Variants in KIAA1549L observed in about 807,000 individuals in gnomAD.
KIAA1549L encodes KIAA1549 like.
A neutral mutation model predicts 160.7 loss-of-function variants in KIAA1549L; 88 were observed. The observed-to-expected ratio is 0.55, with a 90% CI of 0.46 to 0.65. The LOEUF is 0.65. Ranked by LOEUF, KIAA1549L falls within the 30% of genes least tolerant of loss-of-function variation. KIAA1549L has a pLI of 0.00. For synonymous variants in KIAA1549L, 950 were observed against 976.7 expected (o/e 0.97, Z 0.51); for missense variants, 2,258 against 2,437.5 (o/e 0.93, Z 1.55).
At chr11:33,445,602 A>G (rs904550088) in intron 1 of KIAA1549L, among the ~76,000 whole-genome samples, 3 of 152,244 alleles carry the variant, frequency 2.0e-5, no homozygotes, top group Admixed American at 6.5e-5. Context: ...ATAATTTTGC[A>G]TAATGGCTAA....
chr11:33,507,704 A>G (rs1219973966), intron 1 of KIAA1549L, among the ~76,000 whole-genome samples: 1 of 152,200 alleles, frequency 6.6e-6, no homozygotes, highest in East Asian at 1.9e-4. Context: ...GAGTCATATG[A>G]TATGTATACA....
intron 7 of KIAA1549L, 84 bp downstream of exon 7, chr11:33,559,995 CATA>C: frequency 2.2e-6 from 1 of 455,972 alleles, no homozygotes. Flanking sequence ...TGCCAGGCCA[CATA>C]CTACCACCTT....
intron 10 of KIAA1549L, among the ~76,000 whole-genome samples, chr11:33,582,416 C>G (rs1855673935): frequency 6.6e-6 from 1 of 152,100 alleles, no homozygotes; most frequent in Non-Finnish European, 1.5e-5. Flanking sequence ...CTAGTAGCCC[C>G]CAAGTTCAGC....
intron 1 of KIAA1549L, among the ~76,000 whole-genome samples, chr11:33,419,395 G>A (rs1166144890): frequency 1.3e-5 from 2 of 152,156 alleles, no homozygotes. Flanking sequence ...TATGTTGGTG[G>A]TTCTTGGATC....
chr11:33,538,575 C>T (rs1413802053), intron 1 of KIAA1549L, among the ~76,000 whole-genome samples: 1 of 152,092 alleles, frequency 6.6e-6, no homozygotes, highest in East Asian at 1.9e-4. Context: ...CCTTGAAAAT[C>T]AACTAATTTT....
intron 16 of KIAA1549L, among the ~76,000 whole-genome samples, chr11:33,633,731 A>T (rs1851365015): frequency 6.6e-6 from 1 of 152,172 alleles, no homozygotes; most frequent in Non-Finnish European, 1.5e-5. Context: ...ACTGTGGTTT[A>T]TATATTGTTC....
intron 13 of KIAA1549L, among the ~76,000 whole-genome samples, chr11:33,601,170 G>C (rs559878699): frequency 2.6e-5 from 4 of 152,328 alleles, no homozygotes; most frequent in African/African-American, 7.2e-5. Context: ...TCCAGGGTTA[G>C]AGTGCTTGCT....
chr11:33,486,556 TTTAA>T (rs1347175411), intron 1 of KIAA1549L, among the ~76,000 whole-genome samples: 1 of 152,216 alleles, frequency 6.6e-6, no homozygotes, highest in Non-Finnish European at 1.5e-5. Context: ...TTATAATTAA[TTTAA>T]TTAAGTCTTT....
intron 1 of KIAA1549L, among the ~76,000 whole-genome samples, chr11:33,430,572 A>G (rs991095117): frequency 5.9e-5 from 9 of 152,328 alleles, no homozygotes; most frequent in African/African-American, 2.2e-4. Flanking sequence ...CATTTTTATA[A>G]GCAAAGTATG....
Position 33,542,728 on chromosome 11 carries a change from A to G in KIAA1549L, c.1165A>G (p.Ile389Val), listed in dbSNP as rs1590324694. Residue 389 changes from isoleucine to valine, a missense_variant, in exon 2 of 21, where the codon ATC becomes GTC. Coordinates refer to ENST00000658780, the MANE Select transcript of KIAA1549L (RefSeq NM_012194.3). ...TTCAGGTCCTGCATCCACCCAGCAG[A>G]TCAAAGCTGGGGTGCCTGGAAGAGT... ...VASGPASTQQ[I>V]KAGVPGRVHN... 2.5e-6 allele frequency: 4 copies of G among 1,614,026 alleles called. No individual in the cohort carries two copies. In the East Asian group the frequency reaches 8.9e-5, roughly 36 times the overall value.
intron 1 of KIAA1549L, among the ~76,000 whole-genome samples, chr11:33,380,788 A>G (rs966155950): frequency 6.6e-6 from 1 of 152,022 alleles, no homozygotes; most frequent in Non-Finnish European, 1.5e-5. Flanking sequence ...ATACCAAAGA[A>G]TTTCTAATTT....
chr11:33,404,608 A>G (rs994914068), intron 1 of KIAA1549L, among the ~76,000 whole-genome samples: 3 of 152,196 alleles, frequency 2.0e-5, no homozygotes, highest in East Asian at 1.9e-4. Flanking sequence ...AAATAAAAAG[A>G]AAAAGAGATG....
chr11:33,442,066 A>G (rs1264779391), intron 1 of KIAA1549L, among the ~76,000 whole-genome samples: 8 of 151,788 alleles, frequency 5.3e-5, no homozygotes, highest in Non-Finnish European at 1.0e-4. Context: ...CTAACATTTA[A>G]GTCTTTAATC....
intron 10 of KIAA1549L, among the ~76,000 whole-genome samples, chr11:33,575,184 G>A (rs1390800824): frequency 2.6e-5 from 4 of 152,224 alleles, no homozygotes; most frequent in Non-Finnish European, 5.9e-5. Flanking sequence ...GGGAATTAAA[G>A]ATAATCTGAT....
chr11:33,513,513 T>C (rs1185095848), intron 1 of KIAA1549L, among the ~76,000 whole-genome samples: 1 of 152,218 alleles, frequency 6.6e-6, no homozygotes, highest in Non-Finnish European at 1.5e-5. Flanking sequence ...CTTTTCTTTC[T>C]GTTTCTTCTT....
At chr11:33,439,176 T>C (rs1219171806) in intron 1 of KIAA1549L, among the ~76,000 whole-genome samples, 3 of 152,176 alleles carry the variant, frequency 2.0e-5, no homozygotes, top group Non-Finnish European at 4.4e-5. Context: ...CCTCCCAAAG[T>C]GCTGGGATTA....
At position 33,632,186 on chromosome 11, in the gene KIAA1549L, T is replaced by C. The variant is rs531332876; in HGVS notation, c.5410-13500T>C. Among the ~76,000 whole-genome samples the C allele has an allele frequency of 3.9e-5, 6 of 152,362 alleles. No individual in the cohort carries two copies. The South Asian group carries it at 1.2e-3, about 32-fold the overall frequency. ...AGGCATGGTTTGGTTGGGGCCCCAG[T>C]CTGTTCCTCTGCATTATACACAGGT... On this transcript the variant is annotated intron_variant, in intron 16 of 20. Coordinates refer to ENST00000658780, the MANE Select transcript of KIAA1549L (RefSeq NM_012194.3).
At chr11:33,591,033 G>T (rs145806998) in intron 11 of KIAA1549L, among the ~76,000 whole-genome samples, 1 of 152,338 alleles carries the variant, frequency 6.6e-6, no homozygotes, top group African/African-American at 2.4e-5. Flanking sequence ...AGTCTTATCT[G>T]TAGAGATTCT....
chr11:33,640,163 A>G (rs1372713652), intron 16 of KIAA1549L, among the ~76,000 whole-genome samples: 2 of 152,146 alleles, frequency 1.3e-5, no homozygotes, highest in Non-Finnish European at 2.9e-5. Flanking sequence ...GCCTACATAT[A>G]TATGTATATG....
Sources: gnomAD v4.1 joint callset for allele counts (sites outside exome capture counted in the v4.1 genomes callset) on GRCh38, gnomAD v4.1.1 for gene constraint, MANE v1.5 for transcripts, NCBI Gene and HGNC (gene_info 2026-07-23, HGNC 2026-07-21) for gene names.